FSD1L: variants seen among roughly 807,000 people sequenced by gnomAD.
The protein encoded by FSD1L is FSD1-like protein.
In FSD1L, 45 loss-of-function variants were observed where a neutral mutation model predicts 71.6. The ratio of observed to expected loss-of-function variants is 0.63; its 90% CI spans 0.49 to 0.81. The LOEUF (loss-of-function observed/expected upper bound fraction) is 0.81. Ranked by LOEUF, FSD1L falls within the 30% of genes least tolerant of loss-of-function variation. The pLI, the probability that FSD1L is intolerant of heterozygous loss-of-function variation, is 0.00. For synonymous variants in FSD1L, 197 were observed against 207.2 expected (o/e 0.95, Z 0.42); for missense variants, 561 against 618.1 (o/e 0.91, Z 0.98).
At chr9:105,523,078 A>T in intron 10 of FSD1L, 1 of 1,614,130 alleles carries the variant, frequency 6.2e-7, no homozygotes. Context: ...GCTGATGTGG[A>T]TTCAGGTTCT....
intron 7 of FSD1L, among the ~76,000 whole-genome samples, chr9:105,489,709 T>C (rs1474707233): frequency 1.3e-5 from 2 of 152,108 alleles, no homozygotes; most frequent in South Asian, 2.1e-4. Flanking sequence ...CATGTGTCCA[T>C]GTGTTCTCAT....
chr9:105,513,585 T>C (rs1028159098), intron 10 of FSD1L: 2 of 1,529,474 alleles, frequency 1.3e-6, no homozygotes, highest in African/African-American at 2.7e-5. Flanking sequence ...CAGTTGCCTG[T>C]TTTTATCTGA....
At chr9:105,521,764 A>G (rs1417340480) in intron 10 of FSD1L, 5 of 1,613,050 alleles carry the variant, frequency 3.1e-6, no homozygotes, top group Non-Finnish European at 4.2e-6. Context: ...AACGGCTCCT[A>G]CCAAGGTGCT....
intron 10 of FSD1L, chr9:105,523,005 C>T (rs1835278468): frequency 1.2e-6 from 2 of 1,614,114 alleles, no homozygotes; most frequent in Middle Eastern, 1.6e-4. Context: ...CAGCGCTTTC[C>T]AATATGATGG....
chr9:105,479,060 ATAATCT>A (rs1160775175), intron 5 of FSD1L, among the ~76,000 whole-genome samples: 1 of 152,194 alleles, frequency 6.6e-6, no homozygotes, highest in African/African-American at 2.4e-5. Flanking sequence ...GTGTGTTTTG[ATAATCT>A]TAAGGTAAGA....
intron 8 of FSD1L, among the ~76,000 whole-genome samples, chr9:105,507,436 A>G (rs369485582): frequency 1.3e-5 from 2 of 152,232 alleles, no homozygotes; most frequent in African/African-American, 4.8e-5. Flanking sequence ...AGTGTATTAC[A>G]TATAGTACAT....
In FSD1L at chr9:105,499,652, T is replaced by C. The variant is rs558255699; in HGVS notation, c.587-6747T>C. ...TATATGCCTAGATACAGTTTTTGTT[T>C]ATGTGTGTATGGCAGGGAGCATTTA... is the stretch of plus-strand genomic sequence containing the variant. On this transcript the variant is annotated intron_variant, in intron 7 of 13. Transcript: ENST00000481272. 1.6e-4 allele frequency among the ~76,000 whole-genome samples: 24 copies of C among 151,954 alleles called. No individual in the cohort carries two copies. In the South Asian group the frequency reaches 4.4e-3, roughly 28 times the overall value.
intron 7 of FSD1L, among the ~76,000 whole-genome samples, chr9:105,488,130 A>C (rs1242544737): frequency 6.6e-6 from 1 of 152,136 alleles, no homozygotes; most frequent in East Asian, 1.9e-4. Flanking sequence ...CCATTGTATT[A>C]CCATACGGAG....
rs1345070507 is a variant in FSD1L at position 105,491,695 on chromosome 9, G to C, written c.586+7193G>C. Among the ~76,000 whole-genome samples, 13 of 152,122 alleles carry C rather than the reference G, an allele frequency of 8.5e-5. No homozygotes were observed. In the South Asian group the frequency reaches 1.0e-3, roughly 12 times the overall value. On this transcript the variant is annotated intron_variant, in intron 7 of 13. Coordinates refer to ENST00000481272, the MANE Select transcript of FSD1L (RefSeq NM_001145313.3). ...CCCATCAATACCTAATTTATTGAGA[G>C]TTTTTAGCATGAAGGGTTGTTGAAT...
chr9:105,470,653 A>G (rs574204466), intron 4 of FSD1L, among the ~76,000 whole-genome samples: 3 of 152,178 alleles, frequency 2.0e-5, no homozygotes, highest in East Asian at 1.9e-4. Context: ...TTGTCTTTCT[A>G]TCTTACATAC....
At chr9:105,452,725 T>G (rs1830116413) in intron 1 of FSD1L, among the ~76,000 whole-genome samples, 3 of 150,588 alleles carry the variant, frequency 2.0e-5, no homozygotes, top group African/African-American at 7.4e-5. Flanking sequence ...CTTCTTTCCT[T>G]CTTTCCTCCT....
chr9:105,551,602 G>A lies in FSD1L; in HGVS notation c.*5119G>A, dbSNP rs1235082817. ...CTTTGATAAAGCGTGTGCTTAAAGT[G>A]GTATCACCAGTGATTTCTAACATGA... On this transcript the variant is annotated 3_prime_UTR_variant, in exon 14 of 14. Transcript: ENST00000481272. The A allele has an allele frequency of 6.6e-6, 1 of 152,024 alleles. No homozygotes were observed. Among genetic ancestry groups the A allele is most frequent in the Non-Finnish European group, 1.5e-5 (1 of 67,982 alleles). 9.4% of individuals were successfully genotyped at this position (152,024 alleles called of 1,614,324 possible).
intron 10 of FSD1L, chr9:105,520,849 G>A (rs1835102660): frequency 1.9e-6 from 3 of 1,612,140 alleles, no homozygotes; most frequent in Admixed American, 1.7e-5. Flanking sequence ...CCACAATCAG[G>A]AGATAAAGGG....
chr9:105,501,968 G>C (rs1198322134), intron 7 of FSD1L, among the ~76,000 whole-genome samples: 1 of 152,062 alleles, frequency 6.6e-6, no homozygotes, highest in Non-Finnish European at 1.5e-5. Context: ...TGGCCAGATA[G>C]TTTAACTTTC....
In FSD1L at chr9:105,467,895, C is replaced by T. The variant is rs138278086; in HGVS notation, c.208-298C>T. ...CTGAAGGTCTGGACGAAGTTGGGAA[C>T]GTTAAAACAACCTTTCATGTTGTCC... is the stretch of plus-strand genomic sequence containing the variant. On this transcript the variant is annotated intron_variant, in intron 3 of 13. Transcript: ENST00000481272. Among the ~76,000 whole-genome samples, 1,211 of 152,232 alleles carry T rather than the reference C, an allele frequency of 8.0e-3. 10 individuals are homozygous for T. The highest frequency in any genetic ancestry group is 0.02 in the Middle Eastern group (6 of 294).
chr9:105,499,570 G>T (rs569041127), intron 7 of FSD1L, among the ~76,000 whole-genome samples: 1 of 150,876 alleles, frequency 6.6e-6, no homozygotes, highest in African/African-American at 2.4e-5. Flanking sequence ...CCCCTCCTCC[G>T]CCCCCACCTG....
chr9:105,495,493 G>A (rs1234137512), intron 7 of FSD1L, among the ~76,000 whole-genome samples: 1 of 152,180 alleles, frequency 6.6e-6, no homozygotes, highest in Non-Finnish European at 1.5e-5. Context: ...CTCGTGCAGG[G>A]TGCGCTGCAC....
intron 3 of FSD1L, among the ~76,000 whole-genome samples, chr9:105,465,706 C>T (rs959239422): frequency 6.6e-6 from 1 of 152,156 alleles, no homozygotes; most frequent in African/African-American, 2.4e-5. Context: ...AATTCAACAT[C>T]CTTTCATGAT....
Position 105,549,374 on chromosome 9 carries a change from T to G in FSD1L, c.*2891T>G, listed in dbSNP as rs932875833. 1 of 152,088 alleles carries G rather than the reference T, an allele frequency of 6.6e-6. No homozygotes were observed. Among genetic ancestry groups the G allele is most frequent in the Non-Finnish European group, 1.5e-5 (1 of 67,962 alleles). The allele number at this position is 152,088 out of a possible 1,614,324, so 9.4% of individuals were successfully genotyped here. A position where few individuals can be genotyped will look rare whatever the true frequency, so the allele number is the denominator to read the frequency against. On this transcript the variant is annotated 3_prime_UTR_variant, in exon 14 of 14. Transcript: ENST00000481272. ...TTGACTCTCATGGCTGACCATGTCATTATGTCTTTAAATTTTGGTAAATAT... is the reference window on the plus strand; with the variant it reads ...TTGACTCTCATGGCTGACCATGTCAGTATGTCTTTAAATTTTGGTAAATAT...
Sources: gnomAD v4.1 joint callset for allele counts (sites outside exome capture counted in the v4.1 genomes callset) on GRCh38, gnomAD v4.1.1 for gene constraint, MANE v1.5 for transcripts, NCBI Gene and HGNC (gene_info 2026-07-23, HGNC 2026-07-21) for gene names.